The following NDST2 variants were observed in gnomAD, a reference collection of about 807,000 sequenced individuals.
The protein encoded by NDST2 is N-deacetylase and N-sulfotransferase 2, also known as bifunctional heparan sulfate N-deacetylase/N-sulfotransferase 2.
In NDST2, 32 loss-of-function variants were observed where a neutral mutation model predicts 86.9. The ratio of observed to expected loss-of-function variants is 0.37; its 90% CI spans 0.28 to 0.49. The LOEUF is 0.49. NDST2 is among the 20% of genes least tolerant of loss of function. The pLI is 0.97. For missense variants in NDST2, 950 were observed against 1,146.9 expected (o/e 0.83, Z 2.48); for synonymous variants, 409 against 437.0 (o/e 0.94, Z 0.80).
At position 73,806,091 on chromosome 10, in the gene NDST2, C is replaced by A; in HGVS notation, c.1435-63G>T. On this transcript the variant is annotated intron_variant, in intron 6 of 14. Transcript: ENST00000309979. This position sits in a 1 kb window ranked among gnomAD's most constrained non-coding sequence, Gnocchi z 4.5. ...TAGAATGAGAAGTAGATGGAGGACA[C>A]TGGGATTTATAGAGGACTGAGTCTG... The A allele has an allele frequency of 6.3e-7, 1 of 1,593,448 alleles. No homozygotes were observed. The highest frequency in any genetic ancestry group is 1.7e-5 in the Admixed American group (1 of 58,510).
chr10:73,809,597 CAGT>C (rs1789010923), intron 2 of NDST2, among the ~76,000 whole-genome samples: 1 of 152,146 alleles, frequency 6.6e-6, no homozygotes, highest in Non-Finnish European at 1.5e-5. Context: ...GTATTGAGTC[CAGT>C]TACACAAACA....
Position 73,804,861 on chromosome 10 carries a change from A to G in NDST2, c.1755T>C (p.Cys585=). The change falls in exon 9 of 15, where the codon TGT becomes TGC. Residue 585 remains cysteine (C), a synonymous_variant. Coordinates refer to ENST00000309979, the MANE Select transcript of NDST2 (RefSeq NM_003635.4). The part of the protein sequence containing the change: ...QERSPLWQNP[C]DDKRHKDIWS... The stretch of plus-strand genomic sequence containing the variant: ...AGATATCTTTGTGCCTCTTGTCATC[A>G]CAGGGATTCTGAAGCCAGGGCCAAT... 6.2e-7 allele frequency: 1 copy of G among 1,606,644 alleles called. No individual in the cohort carries two copies.
intron 8 of NDST2, 22 bp downstream of exon 8, chr10:73,805,565 T>G (rs1376268994): frequency 1.2e-6 from 2 of 1,612,380 alleles, no homozygotes; most frequent in Non-Finnish European, 1.7e-6. Flanking sequence ...ATGTCTCTCA[T>G]CAGACTGAGC....
chr10:73,804,932 G>A (rs192773619), intron 8 of NDST2, 63 bp from the exon 9 acceptor site: 91 of 963,998 alleles, frequency 9.4e-5, no homozygotes, highest in Middle Eastern at 2.8e-4. Flanking sequence ...ACGGAGTTTC[G>A]TTCTTGTTGC....
At position 73,802,462 on chromosome 10, in the gene NDST2, T is replaced by C; in HGVS notation, c.2641A>G (p.Ser881Gly). 1.2e-6 allele frequency: 2 copies of C among 1,612,972 alleles called. No homozygotes were observed. The highest frequency in any genetic ancestry group is 2.2e-5 in the South Asian group (2 of 91,020). The part of the protein sequence containing the change: ...SWLREELQHS[S>G]LG ...GGGAGGCTGGGACATCAGCCCAGACTGGAATGCTGCAGTTCTTCCCGAAGC... is the reference window on the plus strand; with the variant it reads ...GGGAGGCTGGGACATCAGCCCAGACCGGAATGCTGCAGTTCTTCCCGAAGC... Residue 881 changes from serine (S) to glycine (G), a missense_variant, in exon 15 of 15, where the codon AGT (serine) becomes GGT (glycine). By Grantham distance (56) the Ser-to-Gly change is moderately conservative. This residue lies in a region of NDST2 where 303 missense variants were observed against 323.7 expected (regional missense o/e 0.94). Coordinates refer to ENST00000309979, the MANE Select transcript of NDST2 (RefSeq NM_003635.4).
intron 2 of NDST2, chr10:73,809,204 C>T (rs2084157336): frequency 6.6e-6 from 1 of 152,212 alleles, no homozygotes; most frequent in South Asian, 2.1e-4. Context: ...ACTCATGAGT[C>T]TGTTAATCTT....
rs755242625 is a variant in NDST2 at position 73,803,869 on chromosome 10, C to G, written c.1967+24G>C. 4 of 1,613,984 alleles carry G rather than the reference C, an allele frequency of 2.5e-6. No homozygotes were observed. The South Asian group carries it at 4.4e-5, about 18-fold the overall frequency. ...GGGAAGGGAGTGTTCCTCTGAGAAA[C>G]ATTCAAATGGGGCCCAGTCTCACCA... On this transcript the variant is annotated intron_variant, in intron 10 of 14. Coordinates refer to ENST00000309979, the MANE Select transcript of NDST2 (RefSeq NM_003635.4).
At chr10:73,810,467 T>C (rs528548540) in intron 2 of NDST2, among the ~76,000 whole-genome samples, 1 of 150,682 alleles carries the variant, frequency 6.6e-6, no homozygotes, top group African/African-American at 2.5e-5. Flanking sequence ...CAAAAAAAAA[T>C]AAAAATAAAA....
At chr10:73,804,127 C>A (rs1420557737) in intron 9 of NDST2, 111 bp from the exon 10 acceptor site, 1 of 1,301,692 alleles carries the variant, frequency 7.7e-7, no homozygotes, top group Admixed American at 2.2e-5. Flanking sequence ...AGGAAAATCC[C>A]CTATGGCCAA....
intron 9 of NDST2, 135 bp downstream of exon 9, chr10:73,804,638 A>G (rs1215692118): frequency 1.1e-5 from 2 of 188,146 alleles, no homozygotes; most frequent in African/African-American, 5.5e-5. Flanking sequence ...CTCTTATCTC[A>G]AAAAAAAAAA....
In NDST2 at chr10:73,807,163, G is replaced by T; in HGVS notation, c.1038C>A (p.Thr346=). Reference sequence around the variant, plus strand: ...AGTTGAAGGTGAAGTTGGGAACTAAGGTCCTGAGTTTGTTCTGGGTGGTCA... The same window carrying T: ...AGTTGAAGGTGAAGTTGGGAACTAATGTCCTGAGTTTGTTCTGGGTGGTCA... ...ALLTTQNKLR[T]LVPNFTFNLG... is the part of the protein sequence containing the mutation. The change falls in exon 4 of 15, where the codon ACC becomes ACA. Residue 346 remains threonine (T), a synonymous_variant. Coordinates refer to ENST00000309979, the MANE Select transcript of NDST2 (RefSeq NM_003635.4). 2 of 1,614,078 alleles carry T rather than the reference G, an allele frequency of 1.2e-6. No homozygotes were observed. Among genetic ancestry groups the T allele is most frequent in the South Asian group, 2.2e-5 (2 of 91,034 alleles).
intron 11 of NDST2, 58 bp from the exon 12 acceptor site, chr10:73,803,417 A>C: frequency 2.5e-6 from 4 of 1,601,044 alleles, no homozygotes; most frequent in Non-Finnish European, 3.4e-6. Flanking sequence ...TTCTGCCCTT[A>C]CGCTTGGTCT....
chr10:73,811,276 G>A (rs1445189261), intron 1 of NDST2, among the ~76,000 whole-genome samples, 198 bp downstream of exon 1: 1 of 152,160 alleles, frequency 6.6e-6, no homozygotes, highest in Non-Finnish European at 1.5e-5. Context: ...AGAGCCCTGC[G>A]GGAAGAAGGG....
chr10:73,804,963 T>C (rs1324358999), intron 8 of NDST2, 94 bp from the exon 9 acceptor site: 4 of 641,542 alleles, frequency 6.2e-6, no homozygotes, highest in Non-Finnish European at 1.1e-5. Flanking sequence ...GTGCAATGCA[T>C]GATCTCGGCT....
chr10:73,805,536 A>C (rs375054717), intron 8 of NDST2, 51 bp downstream of exon 8: 249 of 1,576,504 alleles, frequency 1.6e-4, no homozygotes, highest in Non-Finnish European at 1.9e-4. Context: ...ACAACAACAA[A>C]AAACACCCCA....
chr10:73,808,838 T>TAA lies in NDST2; in HGVS notation c.-341-110_-341-109insTT. 1 of 124,360 alleles carries TAA rather than the reference T, an allele frequency of 8.0e-6. No individual in the cohort carries two copies. The highest frequency in any genetic ancestry group is 1.7e-5 in the Non-Finnish European group (1 of 59,580). 7.7% of individuals were successfully genotyped at this position (124,360 alleles called of 1,614,324 possible). A position where few individuals can be genotyped will look rare whatever the true frequency, so the allele number is the denominator to read the frequency against. On this transcript the variant is annotated intron_variant, in intron 2 of 14. Transcript: ENST00000309979. The surrounding 1 kb of genome is among the most constrained non-coding windows in gnomAD (Gnocchi z 4.3). The stretch of plus-strand genomic sequence containing the variant: ...CTCCTGCTTACTGGATAATCTGTTC[T>TAA]CAAAAAAAAAAAAAAAAAAGTTTCC...
At position 73,803,702 on chromosome 10, in the gene NDST2, G is replaced by A. The variant is rs2084048887; in HGVS notation, c.2014C>T (p.Leu672=). 6.2e-7 allele frequency: 1 copy of A among 1,614,124 alleles called. No homozygotes were observed. The highest frequency in any genetic ancestry group is 8.5e-7 in the Non-Finnish European group (1 of 1,180,020). ...PVPSNASTDF[L]FEKSATYFDS... is the part of the protein sequence containing the mutation. ...AAGTAGGTGGCACTTTTTTCAAATAGGAAATCAGTGCTGGCATTGGAAGGA... is the reference window on the plus strand; with the variant it reads ...AAGTAGGTGGCACTTTTTTCAAATAAGAAATCAGTGCTGGCATTGGAAGGA... The change falls in exon 11 of 15, where the codon CTA becomes TTA. Residue 672 remains leucine (L), a synonymous_variant. Coordinates refer to ENST00000309979, the MANE Select transcript of NDST2 (RefSeq NM_003635.4).
At position 73,806,534 on chromosome 10, in the gene NDST2, A is replaced by G; in HGVS notation, c.1249-60T>C. ...GAGGTTTGGGGAGTAGAGGGTAAAG[A>G]GGGTGGGGAAGCCTCCAAATAAAGA... On this transcript the variant is annotated intron_variant, in intron 5 of 14. Coordinates refer to ENST00000309979, the MANE Select transcript of NDST2 (RefSeq NM_003635.4). This position sits in a 1 kb window ranked among gnomAD's most constrained non-coding sequence, Gnocchi z 4.5. The G allele has an allele frequency of 1.3e-6, 2 of 1,550,218 alleles. No individual in the cohort carries two copies. Among genetic ancestry groups the G allele is most frequent in the Non-Finnish European group, 1.7e-6 (2 of 1,143,424 alleles).
chr10:73,809,981 C>G (rs1156790294), intron 2 of NDST2, among the ~76,000 whole-genome samples: 2 of 152,128 alleles, frequency 1.3e-5, no homozygotes, highest in African/African-American at 4.8e-5. Flanking sequence ...AGACAATCCT[C>G]CGGCCTCAGC....
Sources: allele counts gnomAD v4.1 joint callset (sites outside exome capture counted in the v4.1 genomes callset), GRCh38; gene constraint gnomAD v4.1.1; regional missense constraint gnomAD v4.1.1; non-coding constraint Gnocchi (gnomAD v3.1); transcripts MANE v1.5; gene names NCBI Gene and HGNC (gene_info 2026-07-23, HGNC 2026-07-21).